Variants in ZNF679 observed in about 807,000 individuals in gnomAD.
ZNF679 encodes zinc finger protein 679.
In ZNF679, 10 loss-of-function variants were observed where a neutral mutation model predicts 13.4. The ratio of observed to expected loss-of-function variants is 0.75; its 90% confidence interval spans 0.46 to 1.27. The LOEUF (loss-of-function observed/expected upper bound fraction) is 1.27. Among genes scored for constraint, ZNF679 ranks in the 50% most tolerant of loss-of-function variants. The pLI, the probability that ZNF679 is intolerant of heterozygous loss-of-function variation, is 0.00. For synonymous variants in ZNF679, 179 were observed against 162.5 expected, an observed-to-expected ratio of 1.10 and a Z score of -0.77; for missense variants, 525 against 477.8, an observed-to-expected ratio of 1.10 and a Z score of -0.92.
rs766588383 is a variant in ZNF679 at position 64,260,865 on chromosome 7, C to T, written c.198C>T (p.Thr66=). Residue 66 remains threonine (T), a synonymous_variant, in exon 4 of 5, where the codon ACC becomes ACT. Coordinates refer to ENST00000421025, the MANE Select transcript of ZNF679 (RefSeq NM_153363.3). ...GIAVSKPDLI[T]CLEQNKEPWN... ...CTGTCTCTAAGCCAGACTTGATCAC[C>T]TGTCTGGAGCAAAATAAAGAGCCTT... 1.2e-6 allele frequency: 2 copies of T among 1,611,096 alleles called. No individual in the cohort carries two copies. Among genetic ancestry groups the T allele is most frequent in the South Asian group, 2.2e-5 (2 of 90,500 alleles).
chr7:64,256,220 C>G (rs1368468253), intron 2 of ZNF679, among the ~76,000 whole-genome samples: 2 of 152,178 alleles, frequency 1.3e-5, no homozygotes, highest in Non-Finnish European at 2.9e-5. Flanking sequence ...GTCTCCTGCT[C>G]CATTCATGTT....
chr7:64,265,914 C>T lies in ZNF679; in HGVS notation c.281C>T (p.Thr94Ile), dbSNP rs1462784946. The T allele has an allele frequency of 6.2e-7, 1 of 1,613,544 alleles. No homozygotes were observed. The highest frequency in any genetic ancestry group is 8.5e-7 in the Non-Finnish European group (1 of 1,179,750). ...CTTTCAGTTATGTGTTCTCATTTCA[C>T]CCAAGACCTTCCGCCAGAGCTAGGC... ...TKHPVMCSHF[T>I]QDLPPELGIK... The change falls in exon 5 of 5, where the codon ACC becomes ATC. Residue 94 changes from threonine to isoleucine, a missense_variant. Coordinates refer to ENST00000421025, the MANE Select transcript of ZNF679 (RefSeq NM_153363.3).
intron 1 of ZNF679, 27 bp from the exon 2 acceptor site, chr7:64,249,001 G>T (rs958866985): frequency 6.8e-7 from 1 of 1,472,914 alleles, no homozygotes. Context: ...GTAATTTTCC[G>T]GGTCCTTTGT....
intron 2 of ZNF679, among the ~76,000 whole-genome samples, chr7:64,254,185 C>T (rs1360388702): frequency 6.6e-6 from 1 of 151,372 alleles, no homozygotes; most frequent in African/African-American, 2.4e-5. Context: ...AATGCAGTGG[C>T]GCGATCTCAG....
At chr7:64,244,983 T>G (rs1682422100) in intron 1 of ZNF679, among the ~76,000 whole-genome samples, 1 of 152,190 alleles carries the variant, frequency 6.6e-6, no homozygotes, top group African/African-American at 2.4e-5. Flanking sequence ...AGAGGGAAAC[T>G]TCATCCATTT....
chr7:64,255,854 C>G (rs1382876289), intron 2 of ZNF679, among the ~76,000 whole-genome samples: 1 of 152,144 alleles, frequency 6.6e-6, no homozygotes, highest in Non-Finnish European at 1.5e-5. Flanking sequence ...GGTGATCTGC[C>G]TGCCTCAACC....
chr7:64,262,020 C>T (rs998513489), intron 4 of ZNF679, among the ~76,000 whole-genome samples: 2 of 152,004 alleles, frequency 1.3e-5, no homozygotes, highest in Admixed American at 6.6e-5. Flanking sequence ...CCATGCCTGG[C>T]TAATTTTGTA....
chr7:64,249,530 C>T (rs1448723621), intron 2 of ZNF679, among the ~76,000 whole-genome samples: 1 of 152,106 alleles, frequency 6.6e-6, no homozygotes, highest in African/African-American at 2.4e-5. Context: ...GTCCCTAGTT[C>T]CTCATTTTTC....
chr7:64,246,213 G>A (rs530029885), intron 1 of ZNF679, among the ~76,000 whole-genome samples: 26 of 152,218 alleles, frequency 1.7e-4, no homozygotes, highest in African/African-American at 5.5e-4. Flanking sequence ...ATCTGTCTTA[G>A]GAGACACTCT....
Position 64,249,021 on chromosome 7 carries a change from C to T in ZNF679, c.-90-7C>T, listed in dbSNP as rs778150581. 4 of 1,561,536 alleles carry T rather than the reference C, an allele frequency of 2.6e-6. No individual in the cohort carries two copies. The highest frequency in any genetic ancestry group is 2.3e-5 in the East Asian group (1 of 42,952). On this transcript the variant is annotated splice_polypyrimidine_tract_variant and splice_region_variant and intron_variant, in intron 1 of 4. Transcript: ENST00000421025. ...TTTCCGGGTCCTTTGTGTTTCTCTGCGTCCAGAGCTCCAGTTCTTCTCTTC... is the reference window on the plus strand; with the variant it reads ...TTTCCGGGTCCTTTGTGTTTCTCTGTGTCCAGAGCTCCAGTTCTTCTCTTC...
At chr7:64,261,078 G>A (rs1788071250) in intron 4 of ZNF679, 149 bp downstream of exon 4, 1 of 772,090 alleles carries the variant, frequency 1.3e-6, no homozygotes, top group East Asian at 2.8e-5. Context: ...TTTGCTCTCA[G>A]ATAGGGATAC....
intron 2 of ZNF679, among the ~76,000 whole-genome samples, chr7:64,255,626 T>TG (rs1173534082): frequency 3.3e-5 from 5 of 151,978 alleles, no homozygotes; most frequent in Admixed American, 2.6e-4. Flanking sequence ...ATTTTTTTTT[T>TG]GAGACAGAGT....
chr7:64,253,139 G>A (rs963297522), intron 2 of ZNF679, among the ~76,000 whole-genome samples: 1 of 152,208 alleles, frequency 6.6e-6, no homozygotes, highest in Non-Finnish European at 1.5e-5. Flanking sequence ...AATGATATGT[G>A]TATTGTCTGA....
intron 4 of ZNF679, among the ~76,000 whole-genome samples, chr7:64,264,112 T>C (rs1340026139): frequency 6.6e-6 from 1 of 152,040 alleles, no homozygotes; most frequent in African/African-American, 2.4e-5. Context: ...TGGACTTATT[T>C]TACCATTATA....
At chr7:64,249,431 C>A (rs1338126946) in intron 2 of ZNF679, among the ~76,000 whole-genome samples, 1 of 152,154 alleles carries the variant, frequency 6.6e-6, no homozygotes, top group African/African-American at 2.4e-5. Flanking sequence ...CTCATCTCAC[C>A]CAGATTGTAC....
At position 64,252,795 on chromosome 7, in the gene ZNF679, G is replaced by A. The variant is rs544451810; in HGVS notation, c.39+3639G>A. Among the ~76,000 whole-genome samples the A allele has an allele frequency of 2.0e-5, 3 of 152,308 alleles. No individual in the cohort carries two copies. The South Asian group carries it at 6.2e-4, about 32-fold the overall frequency. ...TGCAGTGGCATGATCTTGGCTCACT[G>A]CAACCTCCGAAAACTGGGTTCAAGT... is the stretch of plus-strand genomic sequence containing the variant. On this transcript the variant is annotated intron_variant, in intron 2 of 4. Coordinates refer to ENST00000421025, the MANE Select transcript of ZNF679 (RefSeq NM_153363.3).
At chr7:64,236,132 GCT>G (rs1787708145) in intron 1 of ZNF679, among the ~76,000 whole-genome samples, 1 of 151,862 alleles carries the variant, frequency 6.6e-6, no homozygotes, top group Admixed American at 6.6e-5. Context: ...TGGTGTGGTG[GCT>G]CACACCTGTA....
rs897985659 is a variant in ZNF679 at position 64,255,291 on chromosome 7, T to G, written c.40-4930T>G. On this transcript the variant is annotated intron_variant, in intron 2 of 4. Transcript: ENST00000421025. The stretch of plus-strand genomic sequence containing the variant: ...GATTCTCACACATTCACAGACCCAC[T>G]AGACATTGATGCGTCCACACCCCTC... 4.6e-5 allele frequency among the ~76,000 whole-genome samples: 7 copies of G among 152,272 alleles called. No homozygotes were observed. The East Asian group carries it at 1.4e-3, about 30-fold the overall frequency.
chr7:64,262,542 A>G (rs1788092283), intron 4 of ZNF679, among the ~76,000 whole-genome samples: 1 of 152,198 alleles, frequency 6.6e-6, no homozygotes, highest in Middle Eastern at 3.2e-3. Flanking sequence ...GTAGATATCC[A>G]GTTTTCAACA....
Sources: gnomAD v4.1 joint callset for allele counts (sites outside exome capture counted in the v4.1 genomes callset) on GRCh38, gnomAD v4.1.1 for gene constraint, MANE v1.5 for transcripts, NCBI Gene and HGNC (gene_info 2026-07-23, HGNC 2026-07-21) for gene names.